DCC: variants seen among roughly 807,000 people sequenced by gnomAD.
DCC encodes netrin receptor DCC.
DCC carries 58 observed loss-of-function variants against 172.5 expected under a neutral mutation model. The ratio of observed to expected loss-of-function variants is 0.34; its 90% CI spans 0.27 to 0.42. The LOEUF (loss-of-function observed/expected upper bound fraction) is 0.42. DCC is among the 10% of genes least tolerant of loss of function. The pLI is 1.00. For synonymous variants in DCC, 709 were observed against 644.5 expected, an observed-to-expected ratio of 1.10 and a Z score of -1.52; for missense variants, 1,740 against 1,791.0, an observed-to-expected ratio of 0.97 and a Z score of 0.51.
intron 2 of DCC, among the ~76,000 whole-genome samples, chr18:52,841,184 C>A (rs951874486): frequency 5.3e-5 from 8 of 151,952 alleles, no homozygotes; most frequent in African/African-American, 1.7e-4. Context: ...GTTGCAAATG[C>A]CTTCAGCCAG....
chr18:53,190,430 G>A (rs192283550), intron 9 of DCC, among the ~76,000 whole-genome samples: 4 of 150,768 alleles, frequency 2.7e-5, no homozygotes, highest in Admixed American at 2.6e-4. Flanking sequence ...TTTGAACCTA[G>A]CATAATATTC....
In DCC at chr18:53,257,570, T is replaced by A. The variant is rs542592710; in HGVS notation, c.1911+41973T>A. ...CATCCCAGGGATGAAGCCCACTTGA[T>A]CATAGTGGATAAGCTTTTTGATGTG... On this transcript the variant is annotated intron_variant, in intron 12 of 28. Transcript: ENST00000442544. Among the ~76,000 whole-genome samples the A allele has an allele frequency of 1.7e-3, 260 of 152,336 alleles. 3 individuals carry two copies. The highest frequency in any genetic ancestry group is 1.3e-3 in the East Asian group (7 of 5,186).
chr18:52,392,563 G>A (rs1986069737), intron 1 of DCC, among the ~76,000 whole-genome samples: 1 of 152,084 alleles, frequency 6.6e-6, no homozygotes, highest in Admixed American at 6.5e-5. Context: ...GTTCTAATGG[G>A]CAGTGCATTT....
rs572477921 is a variant in DCC at position 53,365,004 on chromosome 18, A to T, written c.2360-21039A>T. 4.6e-5 allele frequency among the ~76,000 whole-genome samples: 7 copies of T among 152,060 alleles called. No homozygotes were observed. The East Asian group carries it at 1.2e-3, about 25-fold the overall frequency. On this transcript the variant is annotated intron_variant, in intron 15 of 28. Transcript: ENST00000442544. ...CTGAATTCTATCTTTAAGGATTTGA[A>T]AAAAGCAGCAAACTGCGCCCATTAA...
At chr18:53,431,467 GT>G (rs138962186) in intron 21 of DCC, among the ~76,000 whole-genome samples, 2 of 127,964 alleles carry the variant, frequency 1.6e-5, no homozygotes, top group Non-Finnish European at 3.7e-5. Context: ...AGTACACTTT[GT>G]TTTTTGTTGT....
chr18:53,451,738 T>A (rs1441342406), intron 23 of DCC, among the ~76,000 whole-genome samples: 1 of 150,702 alleles, frequency 6.6e-6, no homozygotes, highest in Non-Finnish European at 1.5e-5. Flanking sequence ...TCTCTCCATC[T>A]CTCTCTCTCT....
chr18:53,475,334 T>A (rs2045748923), intron 25 of DCC, among the ~76,000 whole-genome samples: 1 of 152,222 alleles, frequency 6.6e-6, no homozygotes, highest in South Asian at 2.1e-4. Flanking sequence ...GGGAAATGTT[T>A]CCAGGGCATG....
intron 2 of DCC, among the ~76,000 whole-genome samples, chr18:52,832,283 A>G (rs2038629474): frequency 1.3e-5 from 2 of 152,150 alleles, no homozygotes; most frequent in Admixed American, 6.5e-5. Flanking sequence ...AGGCCTTCCA[A>G]GGGAGCAAAA....
chr18:53,411,760 T>C (rs149516246), intron 20 of DCC, among the ~76,000 whole-genome samples: 8 of 151,818 alleles, frequency 5.3e-5, no homozygotes, highest in African/African-American at 1.9e-4. Context: ...AATGGCGGAG[T>C]AGAAGTTGGG....
At chr18:52,376,076 C>T (rs1177223418) in intron 1 of DCC, among the ~76,000 whole-genome samples, 1 of 152,176 alleles carries the variant, frequency 6.6e-6, no homozygotes, top group Non-Finnish European at 1.5e-5. Context: ...AGTTCTCTTT[C>T]TTGTGCTTCC....
chr18:52,529,049 G>C (rs1236788932), intron 1 of DCC, among the ~76,000 whole-genome samples: 1 of 152,102 alleles, frequency 6.6e-6, no homozygotes, highest in Non-Finnish European at 1.5e-5. Flanking sequence ...CTACAATGTG[G>C]TTTCTCAACT....
intron 8 of DCC, among the ~76,000 whole-genome samples, chr18:53,163,278 G>C (rs949262490): frequency 6.6e-6 from 1 of 152,100 alleles, no homozygotes; most frequent in African/African-American, 2.4e-5. Context: ...TTCTTACCCA[G>C]TAAAATAAAT....
chr18:52,691,720 A>G (rs1017441522), intron 1 of DCC, among the ~76,000 whole-genome samples: 2 of 152,130 alleles, frequency 1.3e-5, no homozygotes, highest in Non-Finnish European at 2.9e-5. Flanking sequence ...TTATATTCAC[A>G]GGTACTGAAG....
chr18:53,195,348 A>C (rs980573644), intron 9 of DCC, among the ~76,000 whole-genome samples: 5 of 152,148 alleles, frequency 3.3e-5, no homozygotes, highest in Admixed American at 2.0e-4. Flanking sequence ...TCTTGAGAAA[A>C]ATGGATGATT....
At chr18:52,682,939 A>T (rs1435065528) in intron 1 of DCC, among the ~76,000 whole-genome samples, 1 of 152,116 alleles carries the variant, frequency 6.6e-6, no homozygotes, top group Non-Finnish European at 1.5e-5. Context: ...TGACTGGATC[A>T]TTCAGGCTAT....
chr18:53,008,265 C>T (rs1029456377), intron 5 of DCC, among the ~76,000 whole-genome samples: 12 of 151,978 alleles, frequency 7.9e-5, no homozygotes, highest in Non-Finnish European at 1.6e-4. Context: ...TCAGTTATTT[C>T]GCGGACTTGT....
intron 1 of DCC, among the ~76,000 whole-genome samples, chr18:52,500,789 G>T (rs1270647508): frequency 6.6e-6 from 1 of 151,950 alleles, no homozygotes; most frequent in African/African-American, 2.4e-5. Flanking sequence ...CAAGGAGAGA[G>T]GATAACAACA....
At chr18:53,217,300 CATATGTATAT>C (rs200479007) in intron 12 of DCC, among the ~76,000 whole-genome samples, 176 of 96,410 alleles carry the variant, frequency 1.8e-3, no homozygotes, top group African/African-American at 5.2e-3. Flanking sequence ...CACACACACA[CATATGTATAT>C]ACACACACAC....
chr18:53,419,348 T>A (rs1161293985), intron 21 of DCC, among the ~76,000 whole-genome samples: 1 of 152,116 alleles, frequency 6.6e-6, no homozygotes, highest in Non-Finnish European at 1.5e-5. Flanking sequence ...TGACTATAGT[T>A]ACCCTGTTGT....
Sources: allele counts gnomAD v4.1 joint callset (sites outside exome capture counted in the v4.1 genomes callset), GRCh38; gene constraint gnomAD v4.1.1; transcripts MANE v1.5; gene names NCBI Gene and HGNC (gene_info 2026-07-23, HGNC 2026-07-21).